Variants in CNTNAP2 observed in about 807,000 individuals in gnomAD.
The protein encoded by CNTNAP2 is contactin associated protein 2.
In CNTNAP2, 98 loss-of-function variants were observed where a neutral mutation model predicts 155.2. That is an observed-to-expected ratio of 0.63 (90% CI 0.54 to 0.75). The LOEUF (loss-of-function observed/expected upper bound fraction) is 0.75, where lower values mean the gene tolerates loss of function less well. Among genes scored for constraint, CNTNAP2 ranks in the 30% least tolerant of loss-of-function variants. The pLI is 0.00. For missense variants in CNTNAP2, 1,727 were observed against 1,688.1 expected (o/e 1.02, Z -0.40); for synonymous variants, 651 against 631.2 (o/e 1.03, Z -0.47).
rs555408318 is a variant in CNTNAP2 at position 147,902,849 on chromosome 7, A to G, written c.2099-716A>G. 7.3e-3 allele frequency among the ~76,000 whole-genome samples: 900 copies of G among 124,022 alleles called. 7 individuals carry two copies. Among genetic ancestry groups the G allele is most frequent in the Non-Finnish European group, 0.011 (644 of 56,952 alleles). The allele number at this position is 124,022 out of a possible 152,430, so 81.4% of individuals were successfully genotyped here. A position where few individuals can be genotyped will look rare whatever the true frequency, so the allele number is the denominator to read the frequency against. On this transcript the variant is annotated intron_variant, in intron 13 of 23. Transcript: ENST00000361727. ...GTGTGTGTGTGTGTGTGTGTATGAG[A>G]AACAGTTTATTTATCCATTCATTGA...
chr7:146,603,304 C>G (rs1399379307), intron 1 of CNTNAP2, among the ~76,000 whole-genome samples: 1 of 150,350 alleles, frequency 6.7e-6, no homozygotes, highest in African/African-American at 2.4e-5. Context: ...CCCAGCTACT[C>G]GAAAGGCTGA....
chr7:146,336,431 A>G (rs1801276072), intron 1 of CNTNAP2, among the ~76,000 whole-genome samples: 1 of 152,164 alleles, frequency 6.6e-6, no homozygotes, highest in African/African-American at 2.4e-5. Flanking sequence ...ATTTAAATGG[A>G]AAACATAAAA....
At chr7:146,679,352 T>C (rs936278697) in intron 1 of CNTNAP2, among the ~76,000 whole-genome samples, 5 of 143,296 alleles carry the variant, frequency 3.5e-5, no homozygotes, top group Non-Finnish European at 6.1e-5. Context: ...TGTTTCTTTT[T>C]TTTTTTTTTT....
chr7:148,277,088 T>G (rs1796882373), intron 21 of CNTNAP2, among the ~76,000 whole-genome samples: 1 of 151,278 alleles, frequency 6.6e-6, no homozygotes, highest in Non-Finnish European at 1.5e-5. Flanking sequence ...TTCTATAAGG[T>G]GGGGACCAGG....
At chr7:148,395,535 T>C (rs77076965) in intron 22 of CNTNAP2, among the ~76,000 whole-genome samples, 327 of 152,062 alleles carry the variant, frequency 2.2e-3, no homozygotes, top group African/African-American at 7.5e-3. Flanking sequence ...ACTGAGAGAA[T>C]AGACTTGGCA....
intron 15 of CNTNAP2, among the ~76,000 whole-genome samples, chr7:148,110,764 G>T (rs1228299873): frequency 6.6e-6 from 1 of 152,136 alleles, no homozygotes; most frequent in Non-Finnish European, 1.5e-5. Flanking sequence ...CTATGACCCT[G>T]CCAGTGACTG....
intron 1 of CNTNAP2, among the ~76,000 whole-genome samples, chr7:146,552,840 A>G (rs1798142525): frequency 6.6e-6 from 1 of 152,024 alleles, no homozygotes; most frequent in Non-Finnish European, 1.5e-5. Flanking sequence ...CTCAGCCTGA[A>G]AAGTCTTTCC....
intron 1 of CNTNAP2, among the ~76,000 whole-genome samples, chr7:146,153,075 AAGGT>A (rs1439124499): frequency 6.6e-6 from 1 of 152,168 alleles, no homozygotes; most frequent in African/African-American, 2.4e-5. Context: ...TAGTAAAATC[AAGGT>A]GTATATCATT....
chr7:146,688,975 T>TATTATACAGCTTACATGATGC, intron 1 of CNTNAP2, among the ~76,000 whole-genome samples: 2 of 152,306 alleles, frequency 1.3e-5, no homozygotes, highest in South Asian at 4.1e-4. Flanking sequence ...GTTCATCTTT[T>TATTATACAGCTTACATGATGC]ATTATACAGC....
chr7:147,617,242 C>T (rs182807886), intron 12 of CNTNAP2, among the ~76,000 whole-genome samples: 112 of 152,224 alleles, frequency 7.4e-4, no homozygotes, highest in African/African-American at 2.3e-3. Flanking sequence ...GTTATATGGA[C>T]CTTTTATTTG....
chr7:148,154,598 G>C (rs375387591), intron 17 of CNTNAP2, among the ~76,000 whole-genome samples: 2 of 152,292 alleles, frequency 1.3e-5, no homozygotes, highest in East Asian at 3.9e-4. Context: ...ATCTATGTAT[G>C]AATAAAATGG....
At chr7:148,222,495 T>TATGAATGGATCATTCCATGAATGG (rs1795765350) in intron 19 of CNTNAP2, among the ~76,000 whole-genome samples, 1 of 78,320 alleles carries the variant, frequency 1.3e-5, no homozygotes, top group Non-Finnish European at 2.9e-5. Flanking sequence ...TCCATGAATC[T>TATGAATGGATCATTCCATGAATGG]ATGAATGGAT....
rs183290893 is a variant in CNTNAP2 at position 147,005,436 on chromosome 7, C to T, written c.403-38471C>T. On this transcript the variant is annotated intron_variant, in intron 3 of 23. Transcript: ENST00000361727. ...TACTGGGTTCCTAGCTGGAATAGAC[C>T]CCTGCAACAAAGGACAAATGAAGAA... Among the ~76,000 whole-genome samples the T allele has an allele frequency of 1.3e-4, 19 of 151,638 alleles. No individual in the cohort carries two copies. In the South Asian group the frequency reaches 2.9e-3, roughly 23 times the overall value.
intron 1 of CNTNAP2, among the ~76,000 whole-genome samples, chr7:146,594,960 T>C (rs537145665): frequency 9.9e-5 from 15 of 152,226 alleles, no homozygotes; most frequent in African/African-American, 3.1e-4. Flanking sequence ...CATCATCATA[T>C]CTTTACCATC....
At chr7:147,016,864 CTG>C (rs1341961217) in intron 3 of CNTNAP2, among the ~76,000 whole-genome samples, 1 of 151,960 alleles carries the variant, frequency 6.6e-6, no homozygotes, top group African/African-American at 2.4e-5. Context: ...CCCTAGGTCA[CTG>C]TGCACAGAAA....
chr7:147,485,356 T>A (rs1798492293), intron 10 of CNTNAP2, among the ~76,000 whole-genome samples: 1 of 152,258 alleles, frequency 6.6e-6, no homozygotes. Context: ...AAAACCTGTA[T>A]CTTTCCTTCT....
chr7:148,366,317 T>C (rs1342096218), intron 21 of CNTNAP2, among the ~76,000 whole-genome samples: 2 of 151,800 alleles, frequency 1.3e-5, no homozygotes, highest in Non-Finnish European at 2.9e-5. Flanking sequence ...TATGTATACA[T>C]TATGTATACA....
intron 20 of CNTNAP2, among the ~76,000 whole-genome samples, chr7:148,258,085 A>G (rs1194859047): frequency 6.6e-6 from 1 of 152,190 alleles, no homozygotes; most frequent in African/African-American, 2.4e-5. Context: ...TTATTAGATA[A>G]CACTACAGAG....
At chr7:147,153,284 T>C (rs922118917) in intron 8 of CNTNAP2, among the ~76,000 whole-genome samples, 7 of 151,940 alleles carry the variant, frequency 4.6e-5, no homozygotes, top group Non-Finnish European at 8.8e-5. Context: ...GCTTAAACTG[T>C]TGTAGAAGTA....
Sources: gnomAD v4.1 joint callset for allele counts (sites outside exome capture counted in the v4.1 genomes callset) on GRCh38, gnomAD v4.1.1 for gene constraint, MANE v1.5 for transcripts, NCBI Gene and HGNC (gene_info 2026-07-23, HGNC 2026-07-21) for gene names.